EPS15L1: variants seen among roughly 807,000 people sequenced by gnomAD.
The protein encoded by EPS15L1 is epidermal growth factor receptor pathway substrate 15 like 1.
EPS15L1 carries 43 observed loss-of-function variants against 117.1 expected under a neutral mutation model. That is an observed-to-expected ratio of 0.37 (90% CI 0.29 to 0.47). EPS15L1 has a LOEUF of 0.47. Ranked by LOEUF, EPS15L1 falls within the 20% of genes least tolerant of loss-of-function variation. The pLI is 0.99. For synonymous variants in EPS15L1, 459 were observed against 470.5 expected (o/e 0.98, Z 0.32); for missense variants, 981 against 1,164.0 (o/e 0.84, Z 2.29).
rs1599675886 is a variant in EPS15L1, at chr19:16,453,603, C to T, written c.34-11384G>A. ...TGGCAGGCGCCTGCAGTCCCAGCTA[C>T]TCGGGAGGCTGAAGCAGGAGAATGG... is the stretch of plus-strand genomic sequence containing the variant. On this transcript the variant is annotated intron_variant, in intron 1 of 23. Coordinates refer to ENST00000455140, the MANE Select transcript of EPS15L1 (RefSeq NM_001258374.3). Among the ~76,000 whole-genome samples the T allele has an allele frequency of 2.0e-5, 3 of 152,170 alleles. No homozygotes were observed. In the South Asian group the frequency reaches 6.2e-4, roughly 32 times the overall value.
Position 16,405,490 on chromosome 19 carries a change from C to T in EPS15L1, c.1267-741G>A, listed in dbSNP as rs1044956691. 6.6e-6 allele frequency among the ~76,000 whole-genome samples: 1 copy of T among 152,214 alleles called. No homozygotes were observed. The highest frequency in any genetic ancestry group is 1.5e-5 in the Non-Finnish European group (1 of 68,030). On this transcript the variant is annotated intron_variant, in intron 13 of 23. Transcript: ENST00000455140. This position sits in a 1 kb window ranked among gnomAD's most constrained non-coding sequence, Gnocchi z 4.0. The stretch of plus-strand genomic sequence containing the variant: ...GAGGCTCCAATGCCCCATGATTCCA[C>T]TTCCAAGAAAAGCATCCTGGAAGCA...
intron 22 of EPS15L1, among the ~76,000 whole-genome samples, chr19:16,369,381 G>C (rs1020755687): frequency 6.6e-6 from 1 of 152,192 alleles, no homozygotes; most frequent in Non-Finnish European, 1.5e-5. Context: ...GTTTGGTTCT[G>C]AACTGTTGAG....
chr19:16,459,786 G>A (rs2093231024), intron 1 of EPS15L1, among the ~76,000 whole-genome samples: 1 of 152,162 alleles, frequency 6.6e-6, no homozygotes, highest in Admixed American at 6.5e-5. Flanking sequence ...ATGGTGGGCG[G>A]GGAGGGAGGT....
intron 7 of EPS15L1, among the ~76,000 whole-genome samples, chr19:16,430,184 T>C (rs1191836396): frequency 6.6e-6 from 1 of 152,174 alleles, no homozygotes; most frequent in Admixed American, 6.5e-5. Flanking sequence ...TTCTAGAAAG[T>C]CTTCCCCAGC....
chr19:16,446,423 G>C (rs946173218), intron 1 of EPS15L1, among the ~76,000 whole-genome samples: 3 of 152,104 alleles, frequency 2.0e-5, no homozygotes, highest in Admixed American at 6.5e-5. Flanking sequence ...CATCAGCCTT[G>C]GTTCAAAATG....
intron 5 of EPS15L1, 135 bp from the exon 6 acceptor site, chr19:16,437,134 C>T (rs2092986348): frequency 1.4e-6 from 1 of 691,740 alleles, no homozygotes; most frequent in African/African-American, 1.8e-5. Context: ...CACAGAATCA[C>T]CACATGACCC....
Position 16,401,123 on chromosome 19 carries a change from C to T in EPS15L1, c.1791+1198G>A, listed in dbSNP as rs1315967226. 3 of 985,232 alleles carry T rather than the reference C, an allele frequency of 3.0e-6. No homozygotes were observed. The East Asian group carries it at 3.4e-4, about 112-fold the overall frequency. 61.0% of individuals were successfully genotyped at this position (985,232 alleles called of 1,614,324 possible). ...AGACGATAAAGCTGATGATGACGGG[C>T]CCGGGGGCGGCTATGGAAACCACCT... On this transcript the variant is annotated intron_variant, in intron 16 of 23. Coordinates refer to ENST00000455140, the MANE Select transcript of EPS15L1 (RefSeq NM_001258374.3).
In EPS15L1 at chr19:16,355,602, T is replaced by C. The variant is rs377088192; in HGVS notation, c.*103A>G. 105 of 1,391,422 alleles carry C rather than the reference T, an allele frequency of 7.5e-5. No homozygotes were observed. The East Asian group carries it at 2.2e-3, about 29-fold the overall frequency. 86.2% of individuals were successfully genotyped at this position (1,391,422 alleles called of 1,614,324 possible). On this transcript the variant is annotated 3_prime_UTR_variant, in exon 24 of 24. Coordinates refer to ENST00000455140, the MANE Select transcript of EPS15L1 (RefSeq NM_001258374.3). Reference sequence around the variant, plus strand: ...TGAACAAGCCCCCGAGTCCCGGTCCTTGGAGTACGGTGGCGACGGTGTGTG... The same window carrying C: ...TGAACAAGCCCCCGAGTCCCGGTCCCTGGAGTACGGTGGCGACGGTGTGTG...
At chr19:16,461,626 A>ATAAG (rs2093252985) in intron 1 of EPS15L1, among the ~76,000 whole-genome samples, 1 of 151,928 alleles carries the variant, frequency 6.6e-6, no homozygotes, top group South Asian at 2.1e-4. Flanking sequence ...TGTCTCAAAA[A>ATAAG]AAAGAAAGAA....
In EPS15L1 at chr19:16,361,970, C is replaced by G. The variant is rs771590496; in HGVS notation, c.2395G>C (p.Val799Leu). The G allele has an allele frequency of 5.6e-6, 9 of 1,603,120 alleles. No homozygotes were observed. In the South Asian group the frequency reaches 6.7e-5, roughly 12 times the overall value. Residue 799 changes from valine (V) to leucine (L), a missense_variant, in exon 23 of 24, where the codon GTA becomes CTA. Coordinates refer to ENST00000455140, the MANE Select transcript of EPS15L1 (RefSeq NM_001258374.3). ...PKPPSGKSTPVSQLGSADFPE... is the reference protein window; with the variant it reads ...PKPPSGKSTPLSQLGSADFPE... Reference sequence around the variant, plus strand: ...AAGTCTGCGGAACCAAGCTGGCTTACAGGTGTACTTTTACCTGGAAAGTTT... The same window carrying G: ...AAGTCTGCGGAACCAAGCTGGCTTAGAGGTGTACTTTTACCTGGAAAGTTT...
chr19:16,369,802 C>A (rs1032299359), intron 22 of EPS15L1, among the ~76,000 whole-genome samples: 1 of 152,104 alleles, frequency 6.6e-6, no homozygotes, highest in Admixed American at 6.5e-5. Flanking sequence ...ACAATTCTGG[C>A]TTCTTTGAAA....
At chr19:16,362,550 G>C (rs1487419243) in intron 22 of EPS15L1, among the ~76,000 whole-genome samples, 2 of 123,086 alleles carry the variant, frequency 1.6e-5, no homozygotes, top group Non-Finnish European at 3.2e-5. Context: ...CAGAGACAGA[G>C]TCTTGCTCTG....
intron 1 of EPS15L1, among the ~76,000 whole-genome samples, chr19:16,468,399 G>A (rs565216926): frequency 6.6e-6 from 1 of 152,330 alleles, no homozygotes; most frequent in East Asian, 1.9e-4. Flanking sequence ...AGGCTGGGGT[G>A]CAGTGGCGCG....
At chr19:16,426,151 G>C (rs2092870438) in intron 8 of EPS15L1, among the ~76,000 whole-genome samples, 1 of 152,202 alleles carries the variant, frequency 6.6e-6, no homozygotes, top group Non-Finnish European at 1.5e-5. Flanking sequence ...ACCCAGTGAT[G>C]AATGTCAACA....
At chr19:16,361,300 G>C (rs1261582386) in intron 23 of EPS15L1, among the ~76,000 whole-genome samples, 1 of 151,646 alleles carries the variant, frequency 6.6e-6, no homozygotes. Flanking sequence ...GGCGCGATCT[G>C]CCTGAAGTCC....
intron 17 of EPS15L1, among the ~76,000 whole-genome samples, chr19:16,395,060 A>C (rs1365852003): frequency 6.6e-6 from 1 of 151,990 alleles, no homozygotes. Flanking sequence ...ACTCTACTAA[A>C]TATACAAAAA....
intron 19 of EPS15L1, among the ~76,000 whole-genome samples, chr19:16,391,838 C>A (rs549321529): frequency 6.6e-6 from 1 of 152,048 alleles, no homozygotes; most frequent in Non-Finnish European, 1.5e-5. Context: ...CCTGCCGTGA[C>A]GGGAGCACCT....
chr19:16,407,738 C>T (rs943696727), intron 13 of EPS15L1, among the ~76,000 whole-genome samples: 7 of 152,174 alleles, frequency 4.6e-5, no homozygotes, highest in Non-Finnish European at 8.8e-5. Context: ...CATAGTTTCT[C>T]CCCCATTTAG....
At chr19:16,375,655 A>T (rs896341537) in intron 22 of EPS15L1, among the ~76,000 whole-genome samples, 12 of 152,234 alleles carry the variant, frequency 7.9e-5, no homozygotes, top group Admixed American at 1.3e-4. Flanking sequence ...TCCTGATGGT[A>T]AATGTCTTTG....
Sources: gnomAD v4.1 joint callset for allele counts (sites outside exome capture counted in the v4.1 genomes callset) on GRCh38, gnomAD v4.1.1 for gene constraint, Gnocchi (gnomAD v3.1) non-coding constraint, MANE v1.5 for transcripts, NCBI Gene and HGNC (gene_info 2026-07-23, HGNC 2026-07-21) for gene names.